The following TASP1 variants were observed in gnomAD, a reference collection of about 807,000 sequenced individuals.
TASP1 encodes the protein taspase 1, also known as threonine aspartase 1.
TASP1 carries 16 observed loss-of-function variants against 56.6 expected under a neutral mutation model. The ratio of observed to expected loss-of-function variants is 0.28; its 90% CI spans 0.19 to 0.43. TASP1 has a LOEUF of 0.43. Ranked by LOEUF, TASP1 falls within the 20% of genes least tolerant of loss-of-function variation. TASP1 has a pLI of 1.00. For synonymous variants in TASP1, 179 were observed against 184.2 expected, an observed-to-expected ratio of 0.97 and a Z score of 0.23; for missense variants, 393 against 511.6, an observed-to-expected ratio of 0.77 and a Z score of 2.24.
the TASP1 span, among the ~76,000 whole-genome samples, chr20:13,136,363 A>G: frequency 5.3e-5 from 8 of 152,192 alleles, 1 homozygote; most frequent in Middle Eastern, 0.02. Flanking sequence ...TTGCGAGGCC[A>G]AGGCAGGTGG....
chr20:13,456,121 T>C (rs1348203211), intron 11 of TASP1, among the ~76,000 whole-genome samples: 3 of 152,088 alleles, frequency 2.0e-5, no homozygotes, highest in Non-Finnish European at 4.4e-5. Context: ...AAGCAATGGC[T>C]ACAAAGAGAT....
chr20:13,483,201 T>C (rs1470991080), intron 11 of TASP1, 26 bp downstream of exon 11: 4 of 1,479,718 alleles, frequency 2.7e-6, no homozygotes, highest in East Asian at 4.7e-5. Flanking sequence ...ATTTAGAAGA[T>C]GTAATCTTCT....
At chr20:13,456,124 A>G (rs552661165) in intron 11 of TASP1, among the ~76,000 whole-genome samples, 10 of 152,166 alleles carry the variant, frequency 6.6e-5, no homozygotes, top group Admixed American at 4.6e-4. Flanking sequence ...CAATGGCTAC[A>G]AAGAGATGGA....
chr20:13,633,205 A>G (rs1473340508), intron 1 of TASP1, among the ~76,000 whole-genome samples: 2 of 152,210 alleles, frequency 1.3e-5, no homozygotes, highest in African/African-American at 4.8e-5. Flanking sequence ...CATATTTGCT[A>G]AGTAAAAAAG....
chr20:13,217,950 T>C, the TASP1 span, among the ~76,000 whole-genome samples: 2 of 152,084 alleles, frequency 1.3e-5, no homozygotes, highest in East Asian at 1.9e-4. Context: ...TCCTTTGCCA[T>C]GTAGAAAGGA....
chr20:13,215,898 T>C, the TASP1 span, among the ~76,000 whole-genome samples: 41 of 152,200 alleles, frequency 2.7e-4, no homozygotes, highest in Non-Finnish European at 5.0e-4. Flanking sequence ...TGGGAGCACC[T>C]CTGATTGTGG....
At chr20:13,209,120 G>T in the TASP1 span, among the ~76,000 whole-genome samples, 1 of 152,122 alleles carries the variant, frequency 6.6e-6, no homozygotes, top group Non-Finnish European at 1.5e-5. Context: ...CCATGAAGTT[G>T]TTGTTCTTTC....
At chr20:13,295,765 T>C in the TASP1 span, among the ~76,000 whole-genome samples, 1 of 152,208 alleles carries the variant, frequency 6.6e-6, no homozygotes, top group African/African-American at 2.4e-5. Flanking sequence ...AAAAGTTGCC[T>C]GTTGGAGGAG....
chr20:13,293,980 A>G, the TASP1 span, among the ~76,000 whole-genome samples: 2 of 152,230 alleles, frequency 1.3e-5, no homozygotes, highest in South Asian at 4.1e-4. Flanking sequence ...ATCTCAAAAA[A>G]AAAAGAAAGA....
intron 11 of TASP1, among the ~76,000 whole-genome samples, chr20:13,456,565 T>C (rs970058515): frequency 2.0e-5 from 3 of 152,196 alleles, no homozygotes; most frequent in Non-Finnish European, 2.9e-5. Context: ...TCTTTCGGAA[T>C]GGACTAAATG....
At chr20:13,221,252 C>CCTT in the TASP1 span, among the ~76,000 whole-genome samples, 6 of 115,366 alleles carry the variant, frequency 5.2e-5, no homozygotes, top group African/African-American at 1.8e-4. Flanking sequence ...TCCTCCTCCT[C>CCTT]CTCCTCCTCC....
the TASP1 span, among the ~76,000 whole-genome samples, chr20:13,215,336 T>A: frequency 1.3e-5 from 2 of 152,250 alleles, no homozygotes; most frequent in African/African-American, 4.8e-5. Flanking sequence ...GTTCTCTTTT[T>A]TGCCTGGAAA....
At chr20:13,608,548 T>C (rs751222920) in intron 4 of TASP1, among the ~76,000 whole-genome samples, 7 of 152,330 alleles carry the variant, frequency 4.6e-5, no homozygotes, top group East Asian at 1.9e-4. Context: ...AAAGCAGCAA[T>C]AGAAAATACA....
chr20:13,300,839 C>G, the TASP1 span, among the ~76,000 whole-genome samples: 1 of 152,192 alleles, frequency 6.6e-6, no homozygotes, highest in Admixed American at 6.5e-5. Flanking sequence ...CCCCAGGAGG[C>G]TGAGGCCCAT....
chr20:13,280,039 C>T, the TASP1 span: 16 of 777,714 alleles, frequency 2.1e-5, no homozygotes, highest in Middle Eastern at 4.9e-4. Context: ...GGCTGTCTTC[C>T]GCAGAAGCCC....
At chr20:13,468,593 CA>C in intron 11 of TASP1, among the ~76,000 whole-genome samples, 1 of 151,950 alleles carries the variant, frequency 6.6e-6, no homozygotes, top group East Asian at 1.9e-4. Flanking sequence ...TCATCTAATC[CA>C]CCAAATGCAG....
At chr20:13,612,661 C>CA (rs2048387791) in intron 4 of TASP1, among the ~76,000 whole-genome samples, 1 of 152,070 alleles carries the variant, frequency 6.6e-6, no homozygotes, top group Non-Finnish European at 1.5e-5. Context: ...AACCAGCCCC[C>CA]ACATAGGGAA....
the TASP1 span, among the ~76,000 whole-genome samples, chr20:13,271,509 G>A: frequency 3.3e-4 from 51 of 152,328 alleles, no homozygotes; most frequent in East Asian, 8.9e-3. Context: ...GACAAAGCCC[G>A]TGTCATTTTT....
chr20:13,153,199 C>A, the TASP1 span, among the ~76,000 whole-genome samples: 1 of 152,204 alleles, frequency 6.6e-6, no homozygotes, highest in Non-Finnish European at 1.5e-5. Context: ...GAAGCAGGAC[C>A]CGAGTAGACA....
Sources: gnomAD v4.1 joint callset for allele counts (sites outside exome capture counted in the v4.1 genomes callset) on GRCh38, gnomAD v4.1.1 for gene constraint, MANE v1.5 for transcripts, NCBI Gene and HGNC (gene_info 2026-07-23, HGNC 2026-07-21) for gene names.